The following FREM2 variants were observed in gnomAD, a reference collection of about 807,000 sequenced individuals.
FREM2 encodes FRAS1-related extracellular matrix protein 2.
Under a neutral mutation model 219.9 loss-of-function variants are expected in FREM2, and 119 were observed. That is an observed-to-expected ratio of 0.54 (90% CI 0.47 to 0.63). FREM2 has a LOEUF of 0.63. Ranked by LOEUF, FREM2 falls within the 30% of genes least tolerant of loss-of-function variation. The pLI, the probability that FREM2 is intolerant of heterozygous loss-of-function variation, is 0.00. For missense variants in FREM2, 4,030 were observed against 3,993.6 expected, an observed-to-expected ratio of 1.01 and a Z score of -0.25; for synonymous variants, 1,562 against 1,522.8, an observed-to-expected ratio of 1.03 and a Z score of -0.60.
chr13:38,868,273 C>T (rs1343508075), intron 16 of FREM2, among the ~76,000 whole-genome samples: 3 of 152,204 alleles, frequency 2.0e-5, no homozygotes, highest in Non-Finnish European at 2.9e-5. Flanking sequence ...AATAATAGTA[C>T]TAACAATAAC....
rs770251695 is a variant in FREM2, at chr13:38,886,334, A to C, written c.*5547A>C. On this transcript the variant is annotated 3_prime_UTR_variant, in exon 24 of 24. Transcript: ENST00000280481. Reference sequence around the variant, plus strand: ...AATGCAAGTTGTTGGCAAAATATATATATACACACACACACACATACACAC... The same window carrying C: ...AATGCAAGTTGTTGGCAAAATATATCTATACACACACACACACATACACAC... 5.3e-5 allele frequency: 8 copies of C among 150,544 alleles called. No homozygotes were observed. The highest frequency in any genetic ancestry group is 1.2e-4 in the Non-Finnish European group (8 of 68,022). 9.3% of individuals were successfully genotyped at this position (150,544 alleles called of 1,614,324 possible).
chr13:38,736,511 C>T (rs563326193), intron 2 of FREM2, among the ~76,000 whole-genome samples: 7 of 152,056 alleles, frequency 4.6e-5, no homozygotes, highest in Non-Finnish European at 1.0e-4. Flanking sequence ...ACCTTTTTGA[C>T]GGTTTACAAC....
At chr13:38,757,835 T>G (rs983549656) in intron 2 of FREM2, among the ~76,000 whole-genome samples, 6 of 151,954 alleles carry the variant, frequency 3.9e-5, no homozygotes, top group African/African-American at 1.2e-4. Flanking sequence ...TGATCTGCCT[T>G]CCTAGGCCTC....
chr13:38,689,128 T>C lies in FREM2; in HGVS notation c.1784T>C (p.Leu595Pro). 6.2e-7 allele frequency: 1 copy of C among 1,613,902 alleles called. No individual in the cohort carries two copies. The highest frequency in any genetic ancestry group is 8.5e-7 in the Non-Finnish European group (1 of 1,180,026). Residue 595 changes from leucine to proline, a missense_variant, in exon 1 of 24, where the codon CTG becomes CCG. Physicochemically the swap from Leu to Pro is moderately conservative, Grantham distance 98. This residue lies in a region of FREM2 where 3,102 missense variants were observed against 2,950.7 expected (regional missense o/e 1.05). Coordinates refer to ENST00000280481, the MANE Select transcript of FREM2 (RefSeq NM_207361.6). The part of the protein sequence containing the change: ...SATDMDSDDS[L>P]LLFVLESPFL... ...ACTGACATGGATTCAGATGATTCTC[T>C]GCTGCTTTTTGTGCTGGAGTCACCC...
chr13:38,748,148 T>C (rs559026635), intron 2 of FREM2, among the ~76,000 whole-genome samples: 1 of 152,322 alleles, frequency 6.6e-6, no homozygotes, highest in African/African-American at 2.4e-5. Flanking sequence ...GGGCATTATA[T>C]AGTTAAGTTG....
At chr13:38,737,032 C>A (rs1377839852) in intron 2 of FREM2, among the ~76,000 whole-genome samples, 1 of 152,158 alleles carries the variant, frequency 6.6e-6, no homozygotes, top group Admixed American at 6.5e-5. Flanking sequence ...ACATTCTCAT[C>A]ATGGGAACCA....
chr13:38,818,481 GA>G (rs906503461), intron 6 of FREM2, among the ~76,000 whole-genome samples: 7 of 151,856 alleles, frequency 4.6e-5, no homozygotes, highest in African/African-American at 1.4e-4. Flanking sequence ...ATCTACAAAG[GA>G]AAAAAAGTTG....
chr13:38,781,439 A>G (rs1253454943), intron 4 of FREM2, among the ~76,000 whole-genome samples: 2 of 151,996 alleles, frequency 1.3e-5, no homozygotes, highest in South Asian at 2.1e-4. Context: ...TATTTTATCC[A>G]TATGTCCCTA....
At position 38,769,762 on chromosome 13, in the gene FREM2, G is replaced by A; in HGVS notation, c.5595G>A (p.Leu1865=). 2 of 1,613,986 alleles carry A rather than the reference G, an allele frequency of 1.2e-6. No individual in the cohort carries two copies. Among genetic ancestry groups the A allele is most frequent in the East Asian group, 4.5e-5 (2 of 44,886 alleles). Residue 1865 remains leucine, a synonymous_variant, in exon 4 of 24, where the codon TTG becomes TTA. Transcript: ENST00000280481. ...TCTCAGAGCCCGTGCTGGCTGCCTT[G>A]GAATTCCCCACAGTCGCCACTGTTG... ...VVLSEPVLAA[L]EFPTVATVEI...
intron 2 of FREM2, among the ~76,000 whole-genome samples, chr13:38,710,755 A>C (rs1335810288): frequency 6.6e-6 from 1 of 152,248 alleles, no homozygotes. Flanking sequence ...TTTCTCTTAA[A>C]GTTGCATGTG....
In FREM2 at chr13:38,697,678, G is replaced by T; in HGVS notation, c.5174-20G>T. ...TTTTACTCTGGTAATTAATCATCTTGTTTTTTGGTTATTTTCTAGCTGACA... is the reference window on the plus strand; with the variant it reads ...TTTTACTCTGGTAATTAATCATCTTTTTTTTTGGTTATTTTCTAGCTGACA... On this transcript the variant is annotated intron_variant, in intron 1 of 23. Transcript: ENST00000280481. The T allele has an allele frequency of 7.1e-7, 1 of 1,399,410 alleles. No homozygotes were observed. 86.7% of individuals were successfully genotyped at this position (1,399,410 alleles called of 1,614,324 possible). A position where few individuals can be genotyped will look rare whatever the true frequency, so the allele number is the denominator to read the frequency against.
chr13:38,708,992 T>C (rs1390914615), intron 2 of FREM2, among the ~76,000 whole-genome samples: 3 of 152,170 alleles, frequency 2.0e-5, no homozygotes, highest in African/African-American at 7.2e-5. Flanking sequence ...ACTCCTGACC[T>C]CAGGTGATCC....
chr13:38,877,039 T>C (rs140118960), intron 20 of FREM2, 78 bp from the exon 21 acceptor site: 89 of 1,461,768 alleles, frequency 6.1e-5, no homozygotes, highest in Middle Eastern at 1.7e-4. Flanking sequence ...GTACGGTGAA[T>C]GTATGTATCT....
At chr13:38,705,098 T>G (rs1870487370) in intron 2 of FREM2, among the ~76,000 whole-genome samples, 1 of 152,164 alleles carries the variant, frequency 6.6e-6, no homozygotes, top group Non-Finnish European at 1.5e-5. Context: ...AATTTGTGTT[T>G]TAGAAAGATG....
intron 2 of FREM2, among the ~76,000 whole-genome samples, chr13:38,743,241 T>G (rs1410977052): frequency 6.6e-6 from 1 of 152,118 alleles, no homozygotes; most frequent in Non-Finnish European, 1.5e-5. Context: ...CCCAGGTTTT[T>G]CTCATTCTGT....
intron 11 of FREM2, among the ~76,000 whole-genome samples, chr13:38,854,749 A>G (rs1217972543): frequency 2.6e-5 from 4 of 152,202 alleles, no homozygotes; most frequent in Non-Finnish European, 4.4e-5. Flanking sequence ...AATTTTAAAA[A>G]GAAAAAGAAA....
Position 38,687,199 on chromosome 13 carries a change from C to T in FREM2, c.-146C>T, listed in dbSNP as rs1465410797. 3 of 1,173,678 alleles carry T rather than the reference C, an allele frequency of 2.6e-6. No homozygotes were observed. Among genetic ancestry groups the T allele is most frequent in the Admixed American group, 2.2e-5 (1 of 44,730 alleles). 72.7% of individuals were successfully genotyped at this position (1,173,678 alleles called of 1,614,324 possible). A position where few individuals can be genotyped will look rare whatever the true frequency, so the allele number is the denominator to read the frequency against. On this transcript the variant is annotated 5_prime_UTR_variant, in exon 1 of 24. Transcript: ENST00000280481. ...GGACGGCGCCGCGCAACTTTGCCAT[C>T]CTTCTGGCCCAGCCCCGGCTACAGG...
intron 4 of FREM2, among the ~76,000 whole-genome samples, chr13:38,776,985 T>C (rs1166673494): frequency 2.0e-5 from 3 of 151,948 alleles, no homozygotes; most frequent in Non-Finnish European, 4.4e-5. Flanking sequence ...GCAGTTCCAA[T>C]CCAATGTGTT....
chr13:38,844,671 T>A (rs1396570341), intron 6 of FREM2, among the ~76,000 whole-genome samples: 1 of 152,124 alleles, frequency 6.6e-6, no homozygotes, highest in Non-Finnish European at 1.5e-5. Flanking sequence ...AAATAAAAGG[T>A]CCTCCCTTAA....
Sources: allele counts gnomAD v4.1 joint callset (sites outside exome capture counted in the v4.1 genomes callset), GRCh38; gene constraint gnomAD v4.1.1; regional missense constraint gnomAD v4.1.1; transcripts MANE v1.5; gene names NCBI Gene and HGNC (gene_info 2026-07-23, HGNC 2026-07-21).